The following KAZN variants were observed in gnomAD, a reference collection of about 807,000 sequenced individuals.
The protein encoded by KAZN is kazrin.
In KAZN, 40 loss-of-function variants were observed where a neutral mutation model predicts 87.4. The observed-to-expected ratio is 0.46, with a 90% CI of 0.36 to 0.60. The LOEUF (loss-of-function observed/expected upper bound fraction) is 0.60, where lower values mean the gene tolerates loss of function less well. Ranked by LOEUF, KAZN falls within the 20% of genes least tolerant of loss-of-function variation. The pLI is 0.00. For synonymous variants in KAZN, 466 were observed against 458.3 expected (o/e 1.02, Z -0.22); for missense variants, 898 against 1,073.9 (o/e 0.84, Z 2.29).
intron 2 of KAZN, among the ~76,000 whole-genome samples, chr1:14,496,702 T>C (rs1383919738): frequency 6.6e-6 from 1 of 151,856 alleles, no homozygotes; most frequent in Non-Finnish European, 1.5e-5. Flanking sequence ...CTAAGAATAC[T>C]ACTGGGCTCT....
intron 1 of KAZN, among the ~76,000 whole-genome samples, chr1:13,926,082 T>C (rs7543063): frequency 0.24 from 35,778 of 152,018 alleles, 4,473 homozygotes; most frequent in Non-Finnish European, 0.28. Flanking sequence ...TTTTTTTCAT[T>C]TCAAAGGATC....
chr1:14,113,864 G>A (rs1644551490), intron 1 of KAZN, among the ~76,000 whole-genome samples: 1 of 152,212 alleles, frequency 6.6e-6, no homozygotes, highest in Admixed American at 6.5e-5. Flanking sequence ...AACAACAGTA[G>A]AGCAAAGACG....
chr1:14,479,726 CAG>C (rs1203142395), intron 2 of KAZN, among the ~76,000 whole-genome samples: 2 of 152,158 alleles, frequency 1.3e-5, no homozygotes, highest in Non-Finnish European at 2.9e-5. Flanking sequence ...TCACTGAAGA[CAG>C]TGGCATGATC....
intron 8 of KAZN, among the ~76,000 whole-genome samples, chr1:15,082,614 CT>C (rs1354216988): frequency 1.3e-5 from 2 of 152,242 alleles, no homozygotes; most frequent in African/African-American, 4.8e-5. Flanking sequence ...AGAATTCCAC[CT>C]CCCTCTCACT....
chr1:15,054,361 CAG>C (rs1674716208), intron 4 of KAZN, among the ~76,000 whole-genome samples: 1 of 152,032 alleles, frequency 6.6e-6, no homozygotes, highest in East Asian at 1.9e-4. Context: ...CGGAGCCAAT[CAG>C]AAGTAGAAAA....
At chr1:14,838,672 G>A (rs1213718213) in intron 1 of KAZN, among the ~76,000 whole-genome samples, 3 of 152,186 alleles carry the variant, frequency 2.0e-5, no homozygotes, top group African/African-American at 7.2e-5. Flanking sequence ...CCAGCCTGGA[G>A]TGCATTGGTG....
intron 2 of KAZN, among the ~76,000 whole-genome samples, chr1:14,382,462 T>TCCCCCCTC (rs1553164593): frequency 2.0e-5 from 1 of 48,944 alleles, no homozygotes; most frequent in Non-Finnish European, 3.6e-5. Context: ...ATGCTATCCC[T>TCCCCCCTC]CCCCCCTCCC....
At chr1:14,405,830 C>T (rs1571545627) in intron 2 of KAZN, among the ~76,000 whole-genome samples, 2 of 152,074 alleles carry the variant, frequency 1.3e-5, no homozygotes, top group East Asian at 3.9e-4. Flanking sequence ...GGTGTGAAAG[C>T]AGTCAGGCAG....
At chr1:14,764,395 A>G (rs962361256) in intron 1 of KAZN, among the ~76,000 whole-genome samples, 1 of 38,912 alleles carries the variant, frequency 2.6e-5, no homozygotes, top group East Asian at 5.8e-4. Flanking sequence ...CACCCCCCCC[A>G]CAATGTGGGC....
chr1:14,596,763 A>G (rs144469529), upstream of KAZN, among the ~76,000 whole-genome samples: 66 of 152,360 alleles, frequency 4.3e-4, no homozygotes, highest in Non-Finnish European at 8.2e-4. Flanking sequence ...TCATCCACGT[A>G]GTAGTAGCAT....
At chr1:14,347,926 C>A (rs758106149) in intron 2 of KAZN, among the ~76,000 whole-genome samples, 1 of 151,314 alleles carries the variant, frequency 6.6e-6, no homozygotes. Flanking sequence ...ACTGTGTCAC[C>A]CCAGGCTGGA....
chr1:14,270,404 C>T (rs1472545830), intron 2 of KAZN, among the ~76,000 whole-genome samples: 1 of 152,222 alleles, frequency 6.6e-6, no homozygotes, highest in African/African-American at 2.4e-5. Flanking sequence ...CACAGAGCTG[C>T]ATTCCCATCT....
At chr1:14,998,035 T>A (rs10927624) in intron 2 of KAZN, among the ~76,000 whole-genome samples, 56,912 of 151,596 alleles carry the variant, frequency 0.38, 14,151 homozygotes, top group African/African-American at 0.71. Context: ...TTTGGTTTTG[T>A]CATGAGGCAG....
intron 2 of KAZN, among the ~76,000 whole-genome samples, chr1:14,383,534 G>A (rs1320937373): frequency 6.6e-6 from 1 of 151,390 alleles, no homozygotes; most frequent in Non-Finnish European, 1.5e-5. Context: ...TTCTACATAT[G>A]GCTAGCCAGT....
chr1:14,489,186 G>GA (rs749089062), intron 2 of KAZN, among the ~76,000 whole-genome samples: 3 of 151,874 alleles, frequency 2.0e-5, no homozygotes, highest in Non-Finnish European at 4.4e-5. Flanking sequence ...TTGGAAATGT[G>GA]AAAAAAAGAA....
At chr1:14,819,423 T>G (rs804139) in intron 1 of KAZN, among the ~76,000 whole-genome samples, 107,444 of 152,096 alleles carry the variant, frequency 0.71, 38,179 homozygotes, top group East Asian at 0.82. Flanking sequence ...TCCCAAATCA[T>G]CTGGCTTTAA....
At chr1:14,656,643 A>G (rs1400573849) in intron 1 of KAZN, among the ~76,000 whole-genome samples, 2 of 152,234 alleles carry the variant, frequency 1.3e-5, no homozygotes, top group Non-Finnish European at 2.9e-5. Context: ...TCATGGCAGA[A>G]GGCAAAGGGG....
chr1:14,375,599 C>A (rs1008412763), intron 2 of KAZN, among the ~76,000 whole-genome samples: 1 of 152,072 alleles, frequency 6.6e-6, no homozygotes, highest in Non-Finnish European at 1.5e-5. Flanking sequence ...TGAAATGACA[C>A]GTGGAGGCTG....
chr1:14,273,304 A>G (rs1404865148), intron 2 of KAZN, among the ~76,000 whole-genome samples: 1 of 152,090 alleles, frequency 6.6e-6, no homozygotes, highest in Non-Finnish European at 1.5e-5. Context: ...AGAAATACAG[A>G]GAAGATGCAG....
Sources: allele counts gnomAD v4.1 joint callset (sites outside exome capture counted in the v4.1 genomes callset), GRCh38; gene constraint gnomAD v4.1.1; transcripts MANE v1.5; gene names NCBI Gene and HGNC (gene_info 2026-07-23, HGNC 2026-07-21).